Variants in PRKCZ observed in about 807,000 individuals in gnomAD.
The protein encoded by PRKCZ is protein kinase C zeta type.
A neutral mutation model predicts 79.5 loss-of-function variants in PRKCZ; 33 were observed. The observed-to-expected ratio is 0.41, with a 90% CI of 0.31 to 0.55. PRKCZ has a LOEUF of 0.55. Among genes scored for constraint, PRKCZ ranks in the 20% least tolerant of loss-of-function variants. PRKCZ has a pLI of 0.19. For missense variants in PRKCZ, 578 were observed against 813.5 expected (o/e 0.71, Z 3.52); for synonymous variants, 342 against 320.9 (o/e 1.07, Z -0.70).
intron 4 of PRKCZ, among the ~76,000 whole-genome samples, chr1:2,085,041 A>T (rs1347464450): frequency 6.6e-6 from 1 of 151,126 alleles, no homozygotes; most frequent in Non-Finnish European, 1.5e-5. Context: ...CAGGTCAGGC[A>T]CAGAAGCCAG....
At chr1:2,120,386 A>C (rs1571547428) in intron 4 of PRKCZ, among the ~76,000 whole-genome samples, 1 of 122,382 alleles carries the variant, frequency 8.2e-6, no homozygotes, top group Admixed American at 1.2e-4. Context: ...TGCAATCTCC[A>C]CCTCCCCGGT....
chr1:2,092,358 C>T (rs529424305), intron 4 of PRKCZ, among the ~76,000 whole-genome samples: 6 of 152,326 alleles, frequency 3.9e-5, no homozygotes, highest in African/African-American at 7.2e-5. Context: ...CGGAGTCCGA[C>T]GTTCCCGCCT....
intron 6 of PRKCZ, among the ~76,000 whole-genome samples, chr1:2,145,672 G>A (rs1334312062): frequency 6.6e-6 from 1 of 152,162 alleles, no homozygotes; most frequent in Non-Finnish European, 1.5e-5. Context: ...CCAACACTTT[G>A]GGAGGCCAAG....
At chr1:2,176,028 T>C (rs2100426348) in intron 16 of PRKCZ, among the ~76,000 whole-genome samples, 1 of 152,248 alleles carries the variant, frequency 6.6e-6, no homozygotes, top group South Asian at 2.1e-4. Flanking sequence ...CGGCTTGAGC[T>C]TTAGCGTCGG....
Position 2,065,066 on chromosome 1 carries a change from C to T in PRKCZ, c.334+5475C>T, listed in dbSNP as rs200712260. 2.0e-5 allele frequency among the ~76,000 whole-genome samples: 3 copies of T among 152,156 alleles called. No individual in the cohort carries two copies. The East Asian group carries it at 5.8e-4, about 29-fold the overall frequency. On this transcript the variant is annotated intron_variant, in intron 4 of 17. Coordinates refer to ENST00000378567, the MANE Select transcript of PRKCZ (RefSeq NM_002744.6). ...TTTTCCTTGTACAAGTCTTTCACCC[C>T]CTTGGTTAATTCCTAAACGTTTTAT...
Position 2,165,603 on chromosome 1 carries a change from C to T in PRKCZ, c.975-3915C>T, listed in dbSNP as rs963095821. Reference sequence around the variant, plus strand: ...AATATTTCCACCTTTGTGGGCCATGCGGCCTCTGTGGCAACTATGCGTTCT... The same window carrying T: ...AATATTTCCACCTTTGTGGGCCATGTGGCCTCTGTGGCAACTATGCGTTCT... On this transcript the variant is annotated intron_variant, in intron 10 of 17. Coordinates refer to ENST00000378567, the MANE Select transcript of PRKCZ (RefSeq NM_002744.6). This position sits in a 1 kb window ranked among gnomAD's most constrained non-coding sequence, Gnocchi z 4.1. 3.9e-5 allele frequency among the ~76,000 whole-genome samples: 6 copies of T among 152,218 alleles called. No homozygotes were observed. The highest frequency in any genetic ancestry group is 1.2e-4 in the African/African-American group (5 of 41,446).
chr1:2,142,564 G>T, intron 5 of PRKCZ: 1 of 262,224 alleles, frequency 3.8e-6, no homozygotes, highest in South Asian at 3.3e-5. Flanking sequence ...GAGGTCTTGG[G>T]TGGGATGCCC....
chr1:2,133,569 C>T (rs1675481869), intron 4 of PRKCZ: 1 of 146,460 alleles, frequency 6.8e-6, no homozygotes, highest in Non-Finnish European at 1.5e-5. Context: ...CTCCGCCCCG[C>T]ACTGTGCGTC....
chr1:2,120,574 G>A (rs1250807651), intron 4 of PRKCZ, among the ~76,000 whole-genome samples: 2 of 151,854 alleles, frequency 1.3e-5, no homozygotes, highest in Non-Finnish European at 2.9e-5. Flanking sequence ...GGGATTACAG[G>A]TGTGAGCCAC....
At chr1:2,088,550 G>T (rs1045565750) in intron 4 of PRKCZ, among the ~76,000 whole-genome samples, 1 of 152,194 alleles carries the variant, frequency 6.6e-6, no homozygotes, top group Non-Finnish European at 1.5e-5. Context: ...TCCATCCCAC[G>T]CCCAGAGCGG....
At chr1:2,055,269 A>C (rs1398363836) in intron 1 of PRKCZ, among the ~76,000 whole-genome samples, 172 bp from the exon 2 acceptor site, 1 of 106,818 alleles carries the variant, frequency 9.4e-6, no homozygotes, top group Non-Finnish European at 1.7e-5. Flanking sequence ...AACTATGGTT[A>C]TGGTTAATGG....
At chr1:2,103,363 G>A (rs3128331) in intron 4 of PRKCZ, among the ~76,000 whole-genome samples, 16,902 of 152,130 alleles carry the variant, frequency 0.11, 3,007 homozygotes, top group African/African-American at 0.38. Context: ...TATTTATCAA[G>A]ACTGATTTAT....
intron 4 of PRKCZ, among the ~76,000 whole-genome samples, chr1:2,068,223 G>A (rs1661281283): frequency 6.6e-6 from 1 of 152,342 alleles, no homozygotes; most frequent in South Asian, 2.1e-4. Flanking sequence ...GAGGGGTGGG[G>A]CGGCCCGGCT....
chr1:2,050,675 C>A lies in PRKCZ; in HGVS notation c.45C>A (p.Arg15=). 8.2e-7 allele frequency: 1 copy of A among 1,226,762 alleles called. No homozygotes were observed. Among genetic ancestry groups the A allele is most frequent in the South Asian group, 4.1e-5 (1 of 24,294 alleles). 76.0% of individuals were successfully genotyped at this position (1,226,762 alleles called of 1,614,324 possible). ...TGPKMEGSGG[R]VRLKAHYGGD... ...CCAAGATGGAAGGGAGCGGCGGCCG[C>A]GTCCGCCTCAAGGCGCATTACGGGG... The change falls in exon 1 of 18, where the codon CGC becomes CGA. Residue 15 remains arginine, a synonymous_variant. Coordinates refer to ENST00000378567, the MANE Select transcript of PRKCZ (RefSeq NM_002744.6).
intron 4 of PRKCZ, chr1:2,073,882 G>A (rs1249173692): frequency 1.9e-5 from 22 of 1,171,318 alleles, no homozygotes; most frequent in South Asian, 2.3e-5. Context: ...CGCCCGCCGC[G>A]CACAGAGCAT....
At chr1:2,059,367 C>T (rs747124400) in intron 3 of PRKCZ, among the ~76,000 whole-genome samples, 174 bp from the exon 4 acceptor site, 4 of 152,216 alleles carry the variant, frequency 2.6e-5, no homozygotes, top group Non-Finnish European at 5.9e-5. Context: ...GGAGCCTGGC[C>T]TACGTAGACG....
At chr1:2,105,540 CAGG>C (rs1668239958) in intron 4 of PRKCZ, among the ~76,000 whole-genome samples, 1 of 152,196 alleles carries the variant, frequency 6.6e-6, no homozygotes, top group Non-Finnish European at 1.5e-5. Context: ...GCTGGGATTA[CAGG>C]CACCTGCCAC....
In PRKCZ at chr1:2,180,204, G is replaced by A. The variant is rs1686284701; in HGVS notation, c.1576-4379G>A. On this transcript the variant is annotated intron_variant, in intron 16 of 17. Coordinates refer to ENST00000378567, the MANE Select transcript of PRKCZ (RefSeq NM_002744.6). ...CGAACCCCTCTGTCCACCCCATGCT[G>A]CGTGGCACAGGGCAGGCGTGGGGCC... Among the ~76,000 whole-genome samples the A allele has an allele frequency of 2.0e-5, 3 of 152,346 alleles. 1 individual carries two copies. In the South Asian group the frequency reaches 6.2e-4, roughly 32 times the overall value.
At chr1:2,181,295 C>A (rs1184244946) in intron 16 of PRKCZ, among the ~76,000 whole-genome samples, 1 of 152,222 alleles carries the variant, frequency 6.6e-6, no homozygotes, top group Non-Finnish European at 1.5e-5. Context: ...CCCTCACCTC[C>A]CCCAGGCTAT....
Sources: gnomAD v4.1 joint callset for allele counts (sites outside exome capture counted in the v4.1 genomes callset) on GRCh38, gnomAD v4.1.1 for gene constraint, Gnocchi (gnomAD v3.1) non-coding constraint, MANE v1.5 for transcripts, NCBI Gene and HGNC (gene_info 2026-07-23, HGNC 2026-07-21) for gene names.